Variants in STXBP5L observed in about 807,000 individuals in gnomAD.
The protein encoded by STXBP5L is syntaxin-binding protein 5-like.
STXBP5L carries 65 observed loss-of-function variants against 144.5 expected under a neutral mutation model. The ratio of observed to expected loss-of-function variants is 0.45; its 90% CI spans 0.37 to 0.55. The LOEUF (loss-of-function observed/expected upper bound fraction) is 0.55. STXBP5L is among the 20% of genes least tolerant of loss of function. STXBP5L has a pLI of 0.00. For synonymous variants in STXBP5L, 505 were observed against 469.6 expected (o/e 1.08, Z -0.97); for missense variants, 1,298 against 1,405.5 (o/e 0.92, Z 1.22).
intron 18 of STXBP5L, 44 bp from the exon 19 acceptor site, chr3:121,279,761 T>A (rs978776805): frequency 1.3e-6 from 2 of 1,597,488 alleles, no homozygotes; most frequent in Admixed American, 1.7e-5. Context: ...AAAATAATCA[T>A]GCTTGTTGTG....
chr3:121,026,196 A>T (rs1036745815), intron 3 of STXBP5L, among the ~76,000 whole-genome samples: 1 of 151,672 alleles, frequency 6.6e-6, no homozygotes, highest in Non-Finnish European at 1.5e-5. Flanking sequence ...CTCCAACCTC[A>T]ATCACTGTGT....
At chr3:120,976,055 C>T (rs997773145) in intron 3 of STXBP5L, among the ~76,000 whole-genome samples, 3 of 152,098 alleles carry the variant, frequency 2.0e-5, no homozygotes, top group African/African-American at 7.2e-5. Context: ...TGATGCTGGC[C>T]TCATAAAATG....
At chr3:121,351,654 A>C (rs1293123025) in intron 20 of STXBP5L, among the ~76,000 whole-genome samples, 2 of 152,086 alleles carry the variant, frequency 1.3e-5, no homozygotes, top group Non-Finnish European at 2.9e-5. Flanking sequence ...GTTCACTCTG[A>C]TGGTAGTTTC....
At chr3:121,002,945 C>G (rs950746575) in intron 3 of STXBP5L, among the ~76,000 whole-genome samples, 3 of 152,138 alleles carry the variant, frequency 2.0e-5, no homozygotes, top group Non-Finnish European at 4.4e-5. Context: ...TTTCTTGATC[C>G]AGTCTATTAT....
At chr3:121,231,759 A>T in intron 11 of STXBP5L, among the ~76,000 whole-genome samples, 1 of 152,142 alleles carries the variant, frequency 6.6e-6, no homozygotes, top group Non-Finnish European at 1.5e-5. Flanking sequence ...GGCTGGAGGG[A>T]GCAATGTAGT....
chr3:121,346,007 G>T (rs934894831), intron 20 of STXBP5L, among the ~76,000 whole-genome samples: 2 of 151,674 alleles, frequency 1.3e-5, no homozygotes, highest in Non-Finnish European at 2.9e-5. Flanking sequence ...ACAACGTGCG[G>T]GTTTGTTGCA....
chr3:121,082,669 C>T (rs1299483265), intron 5 of STXBP5L, among the ~76,000 whole-genome samples: 4 of 152,150 alleles, frequency 2.6e-5, no homozygotes, highest in Non-Finnish European at 5.9e-5. Flanking sequence ...AGGGACATGA[C>T]AGTGTGTGTG....
rs2050233698 is a variant in STXBP5L, at chr3:121,257,192, A to C, written c.1691A>C (p.Glu564Ala). 3.1e-6 allele frequency: 5 copies of C among 1,613,150 alleles called. No homozygotes were observed. The part of the protein sequence containing the change: ...SLEVRLQYDV[E>A]DIITPEPETS... Reference sequence around the variant, plus strand: ...GAGGTACGACTTCAGTATGATGTTGAAGATATTATTACCCCTGAACCAGAA... The same window carrying C: ...GAGGTACGACTTCAGTATGATGTTGCAGATATTATTACCCCTGAACCAGAA... Residue 564 changes from glutamate to alanine, a missense_variant, in exon 17 of 27, where the codon GAA (glutamate) becomes GCA (alanine). Coordinates refer to ENST00000471454, the MANE Select transcript of STXBP5L (RefSeq NM_001308330.2).
At position 121,307,100 on chromosome 3, in the gene STXBP5L, T is replaced by C. The variant is rs558308946; in HGVS notation, c.2111-11375T>C. On this transcript the variant is annotated intron_variant, in intron 19 of 26. Coordinates refer to ENST00000471454, the MANE Select transcript of STXBP5L (RefSeq NM_001308330.2). ...AGAAGCAACCTCAAAGTCTTCACAA[T>C]GTAGAGGAAATAAACCTCATGAAAA... 3.3e-5 allele frequency among the ~76,000 whole-genome samples: 5 copies of C among 152,112 alleles called. No individual in the cohort carries two copies. In the East Asian group the frequency reaches 9.7e-4, roughly 29 times the overall value.
At chr3:121,205,525 G>A (rs2048302721) in intron 9 of STXBP5L, among the ~76,000 whole-genome samples, 1 of 152,030 alleles carries the variant, frequency 6.6e-6, no homozygotes, top group Non-Finnish European at 1.5e-5. Flanking sequence ...GAATTTTGGG[G>A]GACACATTCA....
chr3:121,163,382 T>C (rs1006134612), intron 9 of STXBP5L, among the ~76,000 whole-genome samples: 1 of 149,998 alleles, frequency 6.7e-6, no homozygotes, highest in Non-Finnish European at 1.5e-5. Context: ...TGAGAACACA[T>C]GGACACAGGG....
In STXBP5L at chr3:121,304,338, G is replaced by T. The variant is rs142980460; in HGVS notation, c.2111-14137G>T. On this transcript the variant is annotated intron_variant, in intron 19 of 26. Transcript: ENST00000471454. ...TGACAGAACAAATAGACAAAAATTG[G>T]TAAGATTATAAAAAACTAAAGCAAC... is the stretch of plus-strand genomic sequence containing the variant. Among the ~76,000 whole-genome samples, 1,352 of 152,038 alleles carry T rather than the reference G, an allele frequency of 8.9e-3. 8 individuals carry two copies. The highest frequency in any genetic ancestry group is 0.014 in the Non-Finnish European group (969 of 67,948).
intron 9 of STXBP5L, among the ~76,000 whole-genome samples, chr3:121,202,912 AAT>A (rs2048192671): frequency 6.6e-6 from 1 of 151,980 alleles, no homozygotes; most frequent in African/African-American, 2.4e-5. Flanking sequence ...AAGCATAGAT[AAT>A]GTTTTTTTCA....
chr3:121,303,735 G>A (rs1215556057), intron 19 of STXBP5L, among the ~76,000 whole-genome samples: 1 of 152,108 alleles, frequency 6.6e-6, no homozygotes, highest in Non-Finnish European at 1.5e-5. Flanking sequence ...GTAGGGACAT[G>A]GATGAAGCTG....
intron 5 of STXBP5L, among the ~76,000 whole-genome samples, chr3:121,092,232 T>A (rs967466945): frequency 6.6e-6 from 1 of 152,006 alleles, no homozygotes; most frequent in African/African-American, 2.4e-5. Flanking sequence ...TCTTTTGGCT[T>A]AGGACTGACT....
Position 120,957,185 on chromosome 3 carries a change from T to C in STXBP5L, c.287+2148T>C, listed in dbSNP as rs570984898. On this transcript the variant is annotated intron_variant, in intron 3 of 26. Transcript: ENST00000471454. ...ATTCTATTCCACTGATCTATAGGTA[T>C]GTTTCTATGTTACTACTACACTGTT... 5.9e-5 allele frequency among the ~76,000 whole-genome samples: 9 copies of C among 152,110 alleles called. No individual in the cohort carries two copies. The South Asian group carries it at 1.9e-3, about 31-fold the overall frequency.
chr3:121,037,881 T>C (rs1183623553), intron 3 of STXBP5L, among the ~76,000 whole-genome samples: 1 of 152,080 alleles, frequency 6.6e-6, no homozygotes, highest in African/African-American at 2.4e-5. Flanking sequence ...TCTCCTTGTG[T>C]AATTTATGTC....
chr3:121,202,835 G>C (rs1015605266), intron 9 of STXBP5L, among the ~76,000 whole-genome samples: 5 of 151,422 alleles, frequency 3.3e-5, no homozygotes, highest in African/African-American at 1.2e-4. Flanking sequence ...TTTCTTTTAA[G>C]CATGTTTACT....
At chr3:121,137,554 C>T (rs535617996) in intron 7 of STXBP5L, among the ~76,000 whole-genome samples, 1 of 152,246 alleles carries the variant, frequency 6.6e-6, no homozygotes, top group East Asian at 1.9e-4. Flanking sequence ...CAACCAAATT[C>T]AACAGCACAT....
Sources: gnomAD v4.1 joint callset for allele counts (sites outside exome capture counted in the v4.1 genomes callset) on GRCh38, gnomAD v4.1.1 for gene constraint, MANE v1.5 for transcripts, NCBI Gene and HGNC (gene_info 2026-07-23, HGNC 2026-07-21) for gene names.